Variants in ARAP2 observed in about 807,000 individuals in gnomAD.
The protein encoded by ARAP2 is arf-GAP with Rho-GAP domain, ANK repeat and PH domain-containing protein 2.
Under a neutral mutation model 194.5 loss-of-function variants are expected in ARAP2, and 148 were observed. That is an observed-to-expected ratio of 0.76 (90% CI 0.67 to 0.87). ARAP2 has a LOEUF of 0.87. ARAP2 is among the 40% of genes least tolerant of loss of function. The probability of loss-of-function intolerance (pLI) is 0.00; values close to 1 mark genes in which losing one functional copy is unlikely to be tolerated. For missense variants in ARAP2, 2,128 were observed against 1,989.7 expected, an observed-to-expected ratio of 1.07 and a Z score of -1.32; for synonymous variants, 695 against 683.5, an observed-to-expected ratio of 1.02 and a Z score of -0.26.
downstream of ARAP2, among the ~76,000 whole-genome samples, chr4:36,064,110 A>T (rs937769265): frequency 6.6e-6 from 1 of 152,190 alleles, no homozygotes; most frequent in South Asian, 2.1e-4. Context: ...TCAAATATTT[A>T]AAAACCATGT....
chr4:36,185,818 A>AC (rs1295475372), intron 8 of ARAP2, among the ~76,000 whole-genome samples: 1 of 151,344 alleles, frequency 6.6e-6, no homozygotes, highest in African/African-American at 2.4e-5. Flanking sequence ...TCTACTAGAT[A>AC]CAAAAAAAAA....
chr4:36,076,353 T>TTCATATAATGTATGCAAGTACACAC (rs1447861965), intron 31 of ARAP2, among the ~76,000 whole-genome samples: 9 of 152,106 alleles, frequency 5.9e-5, no homozygotes, highest in African/African-American at 2.2e-4. Flanking sequence ...TTGGATTGTC[T>TTCATATAATGTATGCAAGTACACAC]TCATATAATG....
rs752752978 is a variant in ARAP2, at chr4:36,068,092, G to A, written c.4930C>T (p.Pro1644Ser). The A allele has an allele frequency of 5.0e-6, 8 of 1,614,034 alleles. No individual in the cohort carries two copies. The highest frequency in any genetic ancestry group is 6.8e-6 in the Non-Finnish European group (8 of 1,179,978). Reference sequence around the variant, plus strand: ...TTATGGCCTTTTGGTTGCCCAAGTGGGGCTTCAGGCTCTGTGTCCTCCAGG... The same window carrying A: ...TTATGGCCTTTTGGTTGCCCAAGTGAGGCTTCAGGCTCTGTGTCCTCCAGG... ...NCLEDTEPEA[P>S]LGQPKGHKGL... Residue 1644 changes from proline (P) to serine (S), a missense_variant, in exon 33 of 33, where the codon CCA becomes TCA. By Grantham distance (74) the Pro-to-Ser change is moderately conservative. Transcript: ENST00000303965.
At chr4:36,097,932 G>A (rs751024597) in intron 27 of ARAP2, among the ~76,000 whole-genome samples, 3 of 151,974 alleles carry the variant, frequency 2.0e-5, no homozygotes, top group Non-Finnish European at 4.4e-5. Context: ...CTATCAACTT[G>A]TTATTAATTT....
chr4:36,017,088 C>T (rs951094163), intron 6 of ARAP2, among the ~76,000 whole-genome samples: 4 of 146,188 alleles, frequency 2.7e-5, no homozygotes, highest in South Asian at 2.3e-4. Flanking sequence ...AAGCCCAGCA[C>T]ATAAAGAGAC....
intron 29 of ARAP2, among the ~76,000 whole-genome samples, chr4:36,083,053 C>T (rs1729950727): frequency 6.6e-6 from 1 of 152,042 alleles, no homozygotes; most frequent in South Asian, 2.1e-4. Context: ...TGTGACAGCT[C>T]AGGGAATGAG....
chr4:36,232,152 G>A (rs575235733), intron 1 of ARAP2, among the ~76,000 whole-genome samples: 11 of 152,148 alleles, frequency 7.2e-5, no homozygotes, highest in East Asian at 1.9e-4. Context: ...ATAAATTTAC[G>A]TGGTTTAAGC....
intron 17 of ARAP2, 82 bp from the exon 18 acceptor site, chr4:36,147,828 G>C (rs1730013511): frequency 1.0e-5 from 12 of 1,145,536 alleles, no homozygotes; most frequent in Non-Finnish European, 1.3e-5. Flanking sequence ...AGAGAAGGTA[G>C]ACAAATTATC....
At chr4:36,120,539 C>T (rs1398197377) in intron 23 of ARAP2, among the ~76,000 whole-genome samples, 1 of 151,502 alleles carries the variant, frequency 6.6e-6, no homozygotes, top group Admixed American at 6.6e-5. Context: ...AATTGAGGTG[C>T]TAGAACTAGT....
intron 22 of ARAP2, among the ~76,000 whole-genome samples, chr4:36,124,180 G>C (rs1227948142): frequency 2.0e-5 from 3 of 151,670 alleles, no homozygotes; most frequent in African/African-American, 7.3e-5. Flanking sequence ...CTGCAAATAA[G>C]GTACTTTTAG....
intron 24 of ARAP2, among the ~76,000 whole-genome samples, chr4:36,118,162 T>C (rs555340078): frequency 1.3e-5 from 2 of 151,170 alleles, no homozygotes; most frequent in Non-Finnish European, 3.0e-5. Flanking sequence ...TTATTTCCAG[T>C]TTTTCCTCCT....
At chr4:36,171,280 A>T (rs1208317400) in intron 9 of ARAP2, among the ~76,000 whole-genome samples, 2 of 151,194 alleles carry the variant, frequency 1.3e-5, no homozygotes, top group African/African-American at 2.5e-5. Flanking sequence ...CAAATGTCCA[A>T]CAACGATAGA....
chr4:36,226,585 C>A (rs576500329), intron 2 of ARAP2, among the ~76,000 whole-genome samples: 1 of 152,128 alleles, frequency 6.6e-6, no homozygotes, highest in South Asian at 2.1e-4. Flanking sequence ...GCGTTTCACT[C>A]TAACTACTTA....
intron 3 of ARAP2, chr4:36,051,912 A>G (rs1722732882): frequency 6.6e-6 from 1 of 152,210 alleles, no homozygotes; most frequent in Non-Finnish European, 1.5e-5. Flanking sequence ...GTCCTAGCCA[A>G]TCTATATGTT....
chr4:36,118,479 T>A (rs1721934171), intron 24 of ARAP2, among the ~76,000 whole-genome samples: 1 of 151,334 alleles, frequency 6.6e-6, no homozygotes, highest in Admixed American at 6.6e-5. Context: ...TCCCAGACTC[T>A]TTTACTTATC....
intron 5 of ARAP2, among the ~76,000 whole-genome samples, chr4:36,029,221 T>C (rs952423712): frequency 2.6e-5 from 4 of 152,024 alleles, no homozygotes; most frequent in Non-Finnish European, 4.4e-5. Context: ...AAATATTTGA[T>C]TATGTGTTTC....
At chr4:36,014,362 GAA>G (rs1270606591) in intron 8 of ARAP2, among the ~76,000 whole-genome samples, 3 of 139,428 alleles carry the variant, frequency 2.2e-5, no homozygotes, top group East Asian at 1.9e-4. Context: ...AAGAAAGAAA[GAA>G]AGAAAGAAAG....
rs114858380 is a variant in ARAP2 at position 36,088,812 on chromosome 4, A to G, written c.4425+3069T>C. On this transcript the variant is annotated intron_variant, in intron 28 of 32. Coordinates refer to ENST00000303965, the MANE Select transcript of ARAP2 (RefSeq NM_015230.4). ...CACAGCTTTGGAAAGCTGCCTAACA[A>G]TTCTTTCTTTGTAACATATTAACAG... Among the ~76,000 whole-genome samples, 827 of 152,166 alleles carry G rather than the reference A, an allele frequency of 5.4e-3. 6 individuals carry two copies. Among genetic ancestry groups the G allele is most frequent in the African/African-American group, 0.019 (791 of 41,554 alleles).
At chr4:36,062,965 C>A (rs779739717), downstream of ARAP2, among the ~76,000 whole-genome samples, 28 of 152,200 alleles carry the variant, frequency 1.8e-4, no homozygotes, top group Non-Finnish European at 3.4e-4. Context: ...GATGATTGTA[C>A]ACATGACAGA....
Sources: gnomAD v4.1 joint callset for allele counts (sites outside exome capture counted in the v4.1 genomes callset) on GRCh38, gnomAD v4.1.1 for gene constraint, MANE v1.5 for transcripts, NCBI Gene and HGNC (gene_info 2026-07-23, HGNC 2026-07-21) for gene names.